Variants in TM9SF2 observed in about 807,000 individuals in gnomAD.
TM9SF2 encodes 76 kDa membrane protein.
A neutral mutation model predicts 84.9 loss-of-function variants in TM9SF2; 13 were observed. That is an observed-to-expected ratio of 0.15 (90% CI 0.10 to 0.24). The LOEUF is 0.24. TM9SF2 is among the 10% of genes least tolerant of loss of function. The pLI is 1.00. For synonymous variants in TM9SF2, 273 were observed against 285.8 expected (o/e 0.96, Z 0.45); for missense variants, 562 against 818.5 (o/e 0.69, Z 3.82).
rs888067748 is a variant in TM9SF2 at position 99,553,645 on chromosome 13, TAGA to T, written c.1489-656_1489-654del. ...TTTTGGTTTATCATCACAAAAACTA[TAGA>T]AGGATATTTTTGAACTTTCTTACAA... is the stretch of plus-strand genomic sequence containing the variant. On this transcript the variant is annotated intron_variant, in intron 13 of 16. Transcript: ENST00000376387. Among the ~76,000 whole-genome samples the T allele has an allele frequency of 5.3e-5, 8 of 152,346 alleles. No homozygotes were observed. The South Asian group carries it at 1.4e-3, about 28-fold the overall frequency.
At chr13:99,538,102 A>T (rs972951991) in intron 6 of TM9SF2, among the ~76,000 whole-genome samples, 1 of 152,084 alleles carries the variant, frequency 6.6e-6, no homozygotes, top group Admixed American at 6.5e-5. Context: ...TTCAGTCAGG[A>T]GGTTTTGACA....
intron 14 of TM9SF2, among the ~76,000 whole-genome samples, chr13:99,555,249 A>C (rs958098435): frequency 2.6e-5 from 4 of 152,172 alleles, no homozygotes; most frequent in African/African-American, 9.7e-5. Context: ...GTCACTTTTT[A>C]TCAAATATCT....
chr13:99,558,455 G>A (rs756946196), intron 15 of TM9SF2, among the ~76,000 whole-genome samples: 10 of 152,164 alleles, frequency 6.6e-5, no homozygotes, highest in Admixed American at 2.0e-4. Context: ...CTAATAGTAC[G>A]TAAACATGGG....
At chr13:99,528,350 T>C (rs2046193198) in intron 3 of TM9SF2, among the ~76,000 whole-genome samples, 1 of 152,220 alleles carries the variant, frequency 6.6e-6, no homozygotes, top group Non-Finnish European at 1.5e-5. Flanking sequence ...AAAAGATGAA[T>C]AAGGGTTGTT....
chr13:99,501,532 C>T lies in TM9SF2; in HGVS notation c.-75C>T, dbSNP rs899609551. ...CCTTTATCTCTGGCGGCCTTGTAGT[C>T]GTCTCCGAGACTCCCCACCCCTCCT... On this transcript the variant is annotated 5_prime_UTR_variant, in exon 1 of 17. Coordinates refer to ENST00000376387, the MANE Select transcript of TM9SF2 (RefSeq NM_004800.3). 2.0e-6 allele frequency: 3 copies of T among 1,537,772 alleles called. No individual in the cohort carries two copies. Among genetic ancestry groups the T allele is most frequent in the South Asian group, 1.2e-5 (1 of 84,056 alleles).
intron 13 of TM9SF2, among the ~76,000 whole-genome samples, chr13:99,553,219 A>C (rs1430428594): frequency 6.6e-6 from 1 of 152,218 alleles, no homozygotes; most frequent in Non-Finnish European, 1.5e-5. Flanking sequence ...TATCAAGTCC[A>C]CAGGGTAAAA....
chr13:99,545,599 G>A (rs1041167685), intron 10 of TM9SF2, among the ~76,000 whole-genome samples: 23 of 151,400 alleles, frequency 1.5e-4, no homozygotes, highest in African/African-American at 5.6e-4. Context: ...ACGGAGCCTC[G>A]CTCTGTCACC....
intron 3 of TM9SF2, among the ~76,000 whole-genome samples, chr13:99,523,012 C>T (rs984576916): frequency 2.0e-5 from 3 of 152,098 alleles, no homozygotes; most frequent in African/African-American, 7.2e-5. Context: ...TTTCAGGATC[C>T]ATATCTGTAC....
rs2031425 is a variant in TM9SF2 at position 99,540,614 on chromosome 13, G to A, written c.829-100G>A. On this transcript the variant is annotated intron_variant, in intron 7 of 16. Coordinates refer to ENST00000376387, the MANE Select transcript of TM9SF2 (RefSeq NM_004800.3). ...GTTAGATAATTTAGAAATTGCAGTT[G>A]TTGACTCAATGGAAGGACAAGCTTT... 1,311 of 801,484 alleles carry A rather than the reference G, an allele frequency of 1.6e-3. 32 individuals carry two copies. In the East Asian group the frequency reaches 0.038, roughly 23 times the overall value. The allele number at this position is 801,484 out of a possible 1,614,324, so 49.6% of individuals were successfully genotyped here.
chr13:99,525,746 G>T (rs1192181782), intron 3 of TM9SF2, among the ~76,000 whole-genome samples: 1 of 151,868 alleles, frequency 6.6e-6, no homozygotes, highest in Non-Finnish European at 1.5e-5. Flanking sequence ...TAGTAGAGAT[G>T]GGGTTTCACT....
intron 3 of TM9SF2, among the ~76,000 whole-genome samples, chr13:99,521,699 T>G (rs2046161042): frequency 6.6e-6 from 1 of 152,126 alleles, no homozygotes; most frequent in Non-Finnish European, 1.5e-5. Context: ...CTTCAAATAT[T>G]CTTTTTTTTT....
At chr13:99,508,443 A>ACACACACACACACACACACACACCCC (rs1311954976) in intron 1 of TM9SF2, among the ~76,000 whole-genome samples, 1 of 147,448 alleles carries the variant, frequency 6.8e-6, no homozygotes, top group Non-Finnish European at 1.5e-5. Flanking sequence ...ACACACACAC[A>ACACACACACACACACACACACACCCC]CCCCAGAGAT....
In TM9SF2 at chr13:99,543,920, C is replaced by A. The variant is rs770196376; in HGVS notation, c.1075C>A (p.Pro359Thr). 10 of 1,614,134 alleles carry A rather than the reference C, an allele frequency of 6.2e-6. No individual in the cohort carries two copies. The South Asian group carries it at 9.9e-5, about 16-fold the overall frequency. The stretch of plus-strand genomic sequence containing the variant: ...TGTTCATGGTGATATATTCCGTCCT[C>A]CAAGAAAAGGGATGCTGCTATCAGT... The part of the protein sequence containing the change: ...KLVHGDIFRP[P>T]RKGMLLSVFL... The change falls in exon 10 of 17, where the codon CCA becomes ACA. Residue 359 changes from proline to threonine, a missense_variant. Pro to Thr is a conservative substitution (Grantham distance 38). Transcript: ENST00000376387.
chr13:99,541,725 C>A, intron 9 of TM9SF2, 58 bp downstream of exon 9: 2 of 1,154,144 alleles, frequency 1.7e-6, no homozygotes, highest in South Asian at 1.6e-5. Context: ...TGTTATTTTG[C>A]AAAAAGGTAA....
intron 2 of TM9SF2, among the ~76,000 whole-genome samples, chr13:99,519,781 AT>A (rs1286202359): frequency 5.2e-5 from 8 of 152,382 alleles, no homozygotes; most frequent in African/African-American, 1.9e-4. Context: ...TAATGAGTCA[AT>A]TAAAAGATAT....
In TM9SF2 at chr13:99,520,116, C is replaced by G. The variant is rs1483932434; in HGVS notation, c.320C>G (p.Pro107Arg). The change falls in exon 3 of 17, where the codon CCT (proline) becomes CGT (arginine). Residue 107 changes from proline (P) to arginine (R), a missense_variant. Coordinates refer to ENST00000376387, the MANE Select transcript of TM9SF2 (RefSeq NM_004800.3). ...GTACTATTCGGGGAAAGAATTGAAC[C>G]TTCACCATATAAGGTTTGTATTTAG... ...GQVLFGERIE[P>R]SPYKFTFNKK... 13 of 1,613,174 alleles carry G rather than the reference C, an allele frequency of 8.1e-6. No individual in the cohort carries two copies. Among genetic ancestry groups the G allele is most frequent in the Non-Finnish European group, 1.1e-5 (13 of 1,179,498 alleles).
rs148905907 is a variant in TM9SF2 at position 99,549,189 on chromosome 13, C to T, written c.1295C>T (p.Thr432Ile). 1.2e-5 allele frequency: 19 copies of T among 1,613,152 alleles called. No homozygotes were observed. The African/African-American group carries it at 2.0e-4, about 17-fold the overall frequency. ...YKSFGGEKWK[T>I]NVLLTSFLCP... ...GCCTTTGGAGGTGAGAAGTGGAAAACAAATGTTTTATTAACATCATTTCTT... is the reference window on the plus strand; with the variant it reads ...GCCTTTGGAGGTGAGAAGTGGAAAATAAATGTTTTATTAACATCATTTCTT... The change falls in exon 12 of 17, where the codon ACA becomes ATA. Residue 432 changes from threonine to isoleucine, a missense_variant. Transcript: ENST00000376387.
At chr13:99,524,049 G>A (rs1280662649) in intron 3 of TM9SF2, among the ~76,000 whole-genome samples, 1 of 152,186 alleles carries the variant, frequency 6.6e-6, no homozygotes, top group Non-Finnish European at 1.5e-5. Context: ...ATAGAGCATA[G>A]TAGGCAGTGG....
chr13:99,501,630 G>C lies in TM9SF2; in HGVS notation c.24G>C (p.Leu8Phe), dbSNP rs34826943. The C allele has an allele frequency of 1.2e-4, 194 of 1,612,854 alleles. 1 individual carries two copies. The highest frequency in any genetic ancestry group is 4.0e-5 in the African/African-American group (3 of 74,826). The change falls in exon 1 of 17, where the codon TTG (leucine) becomes TTC (phenylalanine). Residue 8 changes from leucine to phenylalanine, a missense_variant. Transcript: ENST00000376387. MSARLPVLSPPRWPRLLL... is the reference protein window; with the variant it reads MSARLPVFSPPRWPRLLL... ...TCATGAGCGCGAGGCTGCCGGTGTT[G>C]TCTCCACCTCGGTGGCCGCGGCTGT...
Sources: allele counts gnomAD v4.1 joint callset (sites outside exome capture counted in the v4.1 genomes callset), GRCh38; gene constraint gnomAD v4.1.1; transcripts MANE v1.5; gene names NCBI Gene and HGNC (gene_info 2026-07-23, HGNC 2026-07-21).